The following SLCO1B1 variants were observed in gnomAD, a reference collection of about 807,000 sequenced individuals.
SLCO1B1 encodes the protein OATP-2.
In SLCO1B1, 81 loss-of-function variants were observed where a neutral mutation model predicts 70.1. That is an observed-to-expected ratio of 1.16 (90% CI 0.97 to 1.39). SLCO1B1 has a LOEUF of 1.39. SLCO1B1 is among the 40% of genes most tolerant of loss of function. The pLI, the probability that SLCO1B1 is intolerant of heterozygous loss-of-function variation, is 0.00. For synonymous variants in SLCO1B1, 283 were observed against 271.5 expected (o/e 1.04, Z -0.42); for missense variants, 895 against 799.6 (o/e 1.12, Z -1.44).
chr12:21,219,846 C>T (rs2121184814), intron 12 of SLCO1B1, among the ~76,000 whole-genome samples: 1 of 151,916 alleles, frequency 6.6e-6, no homozygotes, highest in South Asian at 2.1e-4. Flanking sequence ...CTGCAACCCT[C>T]CGCCTCCCAG....
At chr12:21,201,165 C>T (rs1284347779) in intron 9 of SLCO1B1, among the ~76,000 whole-genome samples, 2 of 152,012 alleles carry the variant, frequency 1.3e-5, no homozygotes, top group African/African-American at 4.8e-5. Context: ...TTCAATGGCA[C>T]ATTTAGATGT....
At chr12:21,150,673 CA>C (rs1940459541) in intron 2 of SLCO1B1, among the ~76,000 whole-genome samples, 1 of 152,162 alleles carries the variant, frequency 6.6e-6, no homozygotes, top group East Asian at 1.9e-4. Flanking sequence ...GATGTCCACA[CA>C]AAAACCCCAT....
chr12:21,179,105 TCTTTCAATAGTC>T lies in SLCO1B1; in HGVS notation c.727+90_727+101del, dbSNP rs77407715. The T allele has an allele frequency of 8.8e-4, 723 of 825,856 alleles. 3 individuals are homozygous for T. The African/African-American group carries it at 9.2e-3, about 10-fold the overall frequency. The allele number at this position is 825,856 out of a possible 1,614,324, so 51.2% of individuals were successfully genotyped here. ...CATTTTTTCAAATAACTGAATTCAC[TCTTTCAATAGTC>T]CTTTGCTTAATATAATTAGAAAGTT... On this transcript the variant is annotated intron_variant, in intron 7 of 14. Transcript: ENST00000256958.
In SLCO1B1 at chr12:21,172,685, T is replaced by C. The variant is rs896075819; in HGVS notation, c.120T>C (p.Ala40=). ...FLAALSLSFI[A]KTLGAIIMKS... is the part of the protein sequence containing the mutation. ...CAGCTCTGTCACTCAGCTTTATTGC[T>C]AAGACACTAGGTGCAATTATTATGA... is the stretch of plus-strand genomic sequence containing the variant. The change falls in exon 3 of 15, where the codon GCT becomes GCC. Residue 40 remains alanine, a synonymous_variant. Transcript: ENST00000256958. 1 of 1,613,770 alleles carries C rather than the reference T, an allele frequency of 6.2e-7. No individual in the cohort carries two copies. The highest frequency in any genetic ancestry group is 1.3e-5 in the African/African-American group (1 of 74,938).
chr12:21,209,605 C>A (rs940347044), intron 11 of SLCO1B1, among the ~76,000 whole-genome samples: 2 of 152,102 alleles, frequency 1.3e-5, no homozygotes, highest in Non-Finnish European at 2.9e-5. Flanking sequence ...AATGGTATTT[C>A]CAGTTCTAGA....
At chr12:21,138,556 G>A (rs111266784) in intron 1 of SLCO1B1, among the ~76,000 whole-genome samples, 1,842 of 152,172 alleles carry the variant, frequency 0.012, 49 homozygotes, top group African/African-American at 0.042. Context: ...GGTGAAATGA[G>A]GAACAAAGTG....
At chr12:21,188,182 T>C (rs1172596504) in intron 7 of SLCO1B1, among the ~76,000 whole-genome samples, 1 of 151,830 alleles carries the variant, frequency 6.6e-6, no homozygotes, top group African/African-American at 2.4e-5. Flanking sequence ...AAATAGTTAC[T>C]GAATGTACTT....
intron 2 of SLCO1B1, among the ~76,000 whole-genome samples, chr12:21,172,113 C>T (rs960220979): frequency 2.6e-5 from 4 of 152,074 alleles, no homozygotes; most frequent in Admixed American, 1.3e-4. Flanking sequence ...AATGATTAAT[C>T]GATACATTTT....
Position 21,200,738 on chromosome 12 carries a change from G to A in SLCO1B1, c.1135+66G>A, listed in dbSNP as rs12305884. The A allele has an allele frequency of 7.3e-3, 9,888 of 1,345,524 alleles. 413 individuals carry two copies. The African/African-American group carries it at 0.095, about 13-fold the overall frequency. The allele number at this position is 1,345,524 out of a possible 1,614,324, so 83.3% of individuals were successfully genotyped here. On this transcript the variant is annotated intron_variant, in intron 9 of 14. Coordinates refer to ENST00000256958, the MANE Select transcript of SLCO1B1 (RefSeq NM_006446.5). ...AATACTAAATACTGTATTCCAAGTGGTATTTTATTGTGAAAGTGATTTTGT... is the reference window on the plus strand; with the variant it reads ...AATACTAAATACTGTATTCCAAGTGATATTTTATTGTGAAAGTGATTTTGT...
intron 8 of SLCO1B1, among the ~76,000 whole-genome samples, chr12:21,199,904 C>A (rs552880929): frequency 6.6e-6 from 1 of 151,912 alleles, no homozygotes; most frequent in African/African-American, 2.4e-5. Flanking sequence ...CTAATTCAAG[C>A]AATTCTCCTG....
intron 1 of SLCO1B1, among the ~76,000 whole-genome samples, chr12:21,140,035 A>G (rs1182558109): frequency 6.6e-6 from 1 of 152,136 alleles, no homozygotes; most frequent in Non-Finnish European, 1.5e-5. Flanking sequence ...TGTATTAAAT[A>G]AAGTGTCTTT....
At chr12:21,150,366 A>C (rs973359402) in intron 2 of SLCO1B1, among the ~76,000 whole-genome samples, 7 of 152,100 alleles carry the variant, frequency 4.6e-5, no homozygotes, top group African/African-American at 1.7e-4. Flanking sequence ...TGCCTCCTTA[A>C]GTGGGTCCCT....
intron 5 of SLCO1B1, 128 bp from the exon 6 acceptor site, chr12:21,178,448 A>T: frequency 1.5e-6 from 1 of 660,898 alleles, no homozygotes; most frequent in Non-Finnish European, 2.5e-6. Context: ...TGCAAAGTGA[A>T]TATAAATTAC....
At chr12:21,154,932 T>C (rs1940520799) in intron 2 of SLCO1B1, among the ~76,000 whole-genome samples, 5 of 152,084 alleles carry the variant, frequency 3.3e-5, no homozygotes, top group Admixed American at 3.3e-4. Context: ...TCTTTGTCTT[T>C]TGTGTACCCA....
At chr12:21,167,126 T>C (rs1940695436) in intron 2 of SLCO1B1, among the ~76,000 whole-genome samples, 2 of 152,228 alleles carry the variant, frequency 1.3e-5, no homozygotes, top group Admixed American at 6.5e-5. Flanking sequence ...ATTCTAAAAA[T>C]GTTTGCCACC....
intron 4 of SLCO1B1, 64 bp downstream of exon 4, chr12:21,174,773 A>G: frequency 9.2e-6 from 14 of 1,529,332 alleles, no homozygotes; most frequent in Non-Finnish European, 1.2e-5. Flanking sequence ...TAGGAGTAGA[A>G]TTTTATTATT....
chr12:21,183,734 G>A (rs1446712157), intron 7 of SLCO1B1, among the ~76,000 whole-genome samples: 3 of 152,110 alleles, frequency 2.0e-5, no homozygotes, highest in Non-Finnish European at 2.9e-5. Flanking sequence ...GCTCTCCAGC[G>A]ATGGTTCTTA....
chr12:21,210,032 T>C (rs1322090053), intron 11 of SLCO1B1, among the ~76,000 whole-genome samples: 5 of 149,808 alleles, frequency 3.3e-5, no homozygotes, highest in African/African-American at 1.2e-4. Flanking sequence ...TGATGGTAGT[T>C]TTTTTTGCTG....
intron 3 of SLCO1B1, 147 bp from the exon 4 acceptor site, chr12:21,174,430 T>G: frequency 2.7e-6 from 2 of 736,538 alleles, no homozygotes; most frequent in Non-Finnish European, 4.6e-6. Flanking sequence ...TGGTCTAATG[T>G]AGGTGAATTC....
Sources: gnomAD v4.1 joint callset for allele counts (sites outside exome capture counted in the v4.1 genomes callset) on GRCh38, gnomAD v4.1.1 for gene constraint, MANE v1.5 for transcripts, NCBI Gene and HGNC (gene_info 2026-07-23, HGNC 2026-07-21) for gene names.